SHISA9: variants seen among roughly 807,000 people sequenced by gnomAD.
SHISA9 encodes shisa family member 9, also known as protein shisa-9.
Under a neutral mutation model 38.0 loss-of-function variants are expected in SHISA9, and 13 were observed. The ratio of observed to expected loss-of-function variants is 0.34; its 90% confidence interval spans 0.22 to 0.54. The LOEUF (loss-of-function observed/expected upper bound fraction) is 0.54. Among genes scored for constraint, SHISA9 ranks in the 20% least tolerant of loss-of-function variants. The probability of loss-of-function intolerance (pLI) is 0.91; values close to 1 mark genes in which losing one functional copy is unlikely to be tolerated. For missense variants in SHISA9, 538 were observed against 575.8 expected, an observed-to-expected ratio of 0.93 and a Z score of 0.67; for synonymous variants, 275 against 242.0, an observed-to-expected ratio of 1.14 and a Z score of -1.27.
At chr16:13,215,548 G>T (rs769401907) in intron 4 of SHISA9, among the ~76,000 whole-genome samples, 21 of 152,006 alleles carry the variant, frequency 1.4e-4, no homozygotes, top group Non-Finnish European at 2.4e-4. Context: ...AAACAAAGCC[G>T]TTATGATCTC....
the SHISA9 span, among the ~76,000 whole-genome samples, chr16:13,430,767 T>C: frequency 1.3e-5 from 2 of 151,060 alleles, no homozygotes; most frequent in Admixed American, 6.6e-5. Flanking sequence ...AATTTTGTTT[T>C]GATTAGCTGA....
chr16:13,394,690 G>A, the SHISA9 span, among the ~76,000 whole-genome samples: 5 of 152,280 alleles, frequency 3.3e-5, no homozygotes, highest in East Asian at 1.9e-4. Context: ...TCTTTGTGCC[G>A]TGTTCTTCCA....
chr16:13,325,394 G>T, the SHISA9 span, among the ~76,000 whole-genome samples: 1 of 152,162 alleles, frequency 6.6e-6, no homozygotes, highest in Non-Finnish European at 1.5e-5. Flanking sequence ...AGGGAGGAAG[G>T]TATTATGAGG....
intron 2 of SHISA9, among the ~76,000 whole-genome samples, chr16:12,939,485 C>T (rs534826365): frequency 2.6e-4 from 40 of 152,308 alleles, no homozygotes; most frequent in African/African-American, 8.7e-4. Flanking sequence ...GTCACAAGCC[C>T]TTTTCATTGT....
chr16:13,172,291 G>A (rs1218688832), intron 2 of SHISA9, among the ~76,000 whole-genome samples: 2 of 152,160 alleles, frequency 1.3e-5, no homozygotes, highest in African/African-American at 4.8e-5. Flanking sequence ...GATGCCTAGG[G>A]GATTGGAAGG....
At chr16:12,991,154 G>C (rs1159795634) in intron 2 of SHISA9, among the ~76,000 whole-genome samples, 1 of 152,072 alleles carries the variant, frequency 6.6e-6, no homozygotes, top group Non-Finnish European at 1.5e-5. Context: ...CTTATTCATT[G>C]TTTGTATTTA....
the SHISA9 span, among the ~76,000 whole-genome samples, chr16:13,505,056 C>G: frequency 9.9e-4 from 150 of 152,264 alleles, 1 homozygote; most frequent in Middle Eastern, 3.4e-3. Flanking sequence ...TTTGAATGCT[C>G]CATAGGTTGT....
At chr16:13,415,725 G>T in the SHISA9 span, among the ~76,000 whole-genome samples, 1 of 151,896 alleles carries the variant, frequency 6.6e-6, no homozygotes, top group African/African-American at 2.4e-5. Context: ...GGATAGCTAT[G>T]GATATGATTA....
chr16:13,109,541 T>C (rs542905252), intron 2 of SHISA9, among the ~76,000 whole-genome samples: 2 of 152,318 alleles, frequency 1.3e-5, no homozygotes, highest in African/African-American at 4.8e-5. Flanking sequence ...GATGGTATAA[T>C]TGACATAACA....
chr16:13,508,061 TTC>T, the SHISA9 span, among the ~76,000 whole-genome samples: 1 of 152,316 alleles, frequency 6.6e-6, no homozygotes, highest in African/African-American at 2.4e-5. Context: ...CTAGCATTTT[TTC>T]TCTCTCTCTT....
chr16:13,038,059 C>T (rs551830579), intron 2 of SHISA9, among the ~76,000 whole-genome samples: 118 of 152,238 alleles, frequency 7.8e-4, no homozygotes, highest in African/African-American at 2.8e-3. Flanking sequence ...GGCAAGATCT[C>T]GGCTCACTGC....
chr16:12,908,569 C>A, intron 1 of SHISA9: 2 of 1,551,786 alleles, frequency 1.3e-6, no homozygotes, highest in Non-Finnish European at 1.7e-6. Flanking sequence ...GACTTCAAAC[C>A]TGGACAGTCT....
At chr16:13,251,010 G>A in the SHISA9 span, among the ~76,000 whole-genome samples, 1 of 152,176 alleles carries the variant, frequency 6.6e-6, no homozygotes, top group Non-Finnish European at 1.5e-5. Context: ...AATACTCTAT[G>A]TGACCCTTAC....
chr16:13,259,073 C>A, the SHISA9 span, among the ~76,000 whole-genome samples: 3 of 152,142 alleles, frequency 2.0e-5, no homozygotes, highest in African/African-American at 7.2e-5. Context: ...CCTGTAAAAT[C>A]GAAAGCAAGC....
intron 2 of SHISA9, among the ~76,000 whole-genome samples, chr16:13,198,107 C>A (rs940705130): frequency 1.3e-5 from 2 of 152,084 alleles, no homozygotes; most frequent in Non-Finnish European, 2.9e-5. Context: ...ATCACTTGAA[C>A]CTGGGAGGCG....
chr16:13,005,676 A>T (rs2072589140), intron 2 of SHISA9, among the ~76,000 whole-genome samples: 1 of 152,116 alleles, frequency 6.6e-6, no homozygotes, highest in Admixed American at 6.5e-5. Flanking sequence ...GGACCTTCTG[A>T]TTGGCCAGGT....
chr16:13,125,378 G>A lies in SHISA9; in HGVS notation c.692-78016G>A, dbSNP rs566245186. ...GGATGAGGTGTCCTGGGTGGAAGGA[G>A]TGTCTCAAATCCTGGTTTCCTGTTT... On this transcript the variant is annotated intron_variant, in intron 2 of 4. Transcript: ENST00000558583. Among the ~76,000 whole-genome samples the A allele has an allele frequency of 7.9e-5, 12 of 152,304 alleles. No homozygotes were observed. In the South Asian group the frequency reaches 2.5e-3, roughly 32 times the overall value.
intron 4 of SHISA9, among the ~76,000 whole-genome samples, chr16:13,229,026 G>A (rs1372959019): frequency 3.9e-5 from 6 of 152,166 alleles, no homozygotes; most frequent in African/African-American, 1.4e-4. Context: ...CAGGAGTGGT[G>A]TCACATACCT....
At chr16:13,260,859 G>T in the SHISA9 span, among the ~76,000 whole-genome samples, 1 of 152,002 alleles carries the variant, frequency 6.6e-6, no homozygotes, top group Non-Finnish European at 1.5e-5. Context: ...CTGAAACTGG[G>T]AACAAAAAAA....
Sources: gnomAD v4.1 joint callset for allele counts (sites outside exome capture counted in the v4.1 genomes callset) on GRCh38, gnomAD v4.1.1 for gene constraint, MANE v1.5 for transcripts, NCBI Gene and HGNC (gene_info 2026-07-23, HGNC 2026-07-21) for gene names.